The following DACH1 variants were observed in gnomAD, a reference collection of about 807,000 sequenced individuals.
DACH1 encodes the protein dachshund family transcription factor 1, also known as dachshund homolog 1.
A neutral mutation model predicts 54.2 loss-of-function variants in DACH1; 12 were observed. That is an observed-to-expected ratio of 0.22 (90% CI 0.14 to 0.36). The LOEUF (loss-of-function observed/expected upper bound fraction) is 0.36. Ranked by LOEUF, DACH1 falls within the 10% of genes least tolerant of loss-of-function variation. DACH1 has a pLI of 1.00. For missense variants in DACH1, 805 were observed against 929.8 expected, an observed-to-expected ratio of 0.87 and a Z score of 1.75; for synonymous variants, 386 against 366.2, an observed-to-expected ratio of 1.05 and a Z score of -0.62.
rs74099130 is a variant in DACH1, at chr13:71,768,664, C to T, written c.849-86754G>A. ...CAGGTAATTGTAGAACAAAATAAGG[C>T]AGCTCAAATAAATACAGAATAATCT... On this transcript the variant is annotated intron_variant, in intron 1 of 10. Transcript: ENST00000613252. Among the ~76,000 whole-genome samples the T allele has an allele frequency of 2.6e-3, 401 of 151,930 alleles. 5 individuals are homozygous for T. The highest frequency in any genetic ancestry group is 9.3e-3 in the African/African-American group (387 of 41,514).
chr13:71,598,434 T>C (rs1874267458), intron 3 of DACH1, among the ~76,000 whole-genome samples: 1 of 152,060 alleles, frequency 6.6e-6, no homozygotes, highest in Admixed American at 6.6e-5. Flanking sequence ...TTTGTATTTT[T>C]AGTAGAGACG....
chr13:71,618,179 A>G (rs1222883805), intron 3 of DACH1, among the ~76,000 whole-genome samples: 1 of 152,126 alleles, frequency 6.6e-6, no homozygotes, highest in East Asian at 1.9e-4. Flanking sequence ...TCTTGTTCAG[A>G]ATTTTTCCCT....
chr13:71,641,449 T>C (rs143198369), intron 2 of DACH1, among the ~76,000 whole-genome samples: 289 of 152,246 alleles, frequency 1.9e-3, no homozygotes, highest in African/African-American at 6.7e-3. Context: ...TATAACAACA[T>C]CTCATTTAAG....
intron 2 of DACH1, among the ~76,000 whole-genome samples, chr13:71,657,013 TAC>T (rs140643805): frequency 0.14 from 19,821 of 144,098 alleles, 3,228 homozygotes; most frequent in African/African-American, 0.39. Context: ...TATATATATA[TAC>T]ACACACACAC....
At chr13:71,652,010 TTC>T (rs1419572600) in intron 2 of DACH1, among the ~76,000 whole-genome samples, 1 of 152,200 alleles carries the variant, frequency 6.6e-6, no homozygotes, top group Non-Finnish European at 1.5e-5. Context: ...TCATGAGTGT[TTC>T]TCTGAATTCC....
At chr13:71,651,728 GTA>G (rs747714981) in intron 2 of DACH1, among the ~76,000 whole-genome samples, 1 of 149,686 alleles carries the variant, frequency 6.7e-6, no homozygotes, top group Non-Finnish European at 1.5e-5. Context: ...GTATATGTGT[GTA>G]TATATATGTG....
chr13:71,456,554 C>A (rs1339768810), intron 10 of DACH1, among the ~76,000 whole-genome samples: 3 of 151,970 alleles, frequency 2.0e-5, no homozygotes, highest in African/African-American at 7.2e-5. Flanking sequence ...TAATAAAAAT[C>A]TTTATTTTCC....
intron 1 of DACH1, among the ~76,000 whole-genome samples, chr13:71,788,416 T>C (rs748547274): frequency 4.6e-5 from 7 of 152,180 alleles, no homozygotes; most frequent in Admixed American, 1.3e-4. Context: ...CAAATATGCA[T>C]ATACATTTCT....
intron 10 of DACH1, among the ~76,000 whole-genome samples, chr13:71,465,452 G>T (rs1033959526): frequency 6.6e-6 from 1 of 152,006 alleles, no homozygotes; most frequent in African/African-American, 2.4e-5. Context: ...CTCTAAGATG[G>T]CTAGGATATC....
chr13:71,515,827 T>A (rs544369318), intron 6 of DACH1, among the ~76,000 whole-genome samples: 1 of 151,990 alleles, frequency 6.6e-6, no homozygotes, highest in South Asian at 2.1e-4. Context: ...AGGAGCACAC[T>A]TGCCATCTGC....
At chr13:71,816,643 T>TGTGTATATATATACAC (rs1345333639) in intron 1 of DACH1, among the ~76,000 whole-genome samples, 3 of 25,148 alleles carry the variant, frequency 1.2e-4, no homozygotes, top group Non-Finnish European at 2.3e-4. Flanking sequence ...CACACATATG[T>TGTGTATATATATACAC]GTGTATATAT....
At chr13:71,710,480 G>A (rs1882670013) in intron 1 of DACH1, among the ~76,000 whole-genome samples, 1 of 150,194 alleles carries the variant, frequency 6.7e-6, no homozygotes, top group African/African-American at 2.5e-5. Context: ...GTGTGTGTGT[G>A]TGTGTGTGTG....
intron 1 of DACH1, among the ~76,000 whole-genome samples, chr13:71,740,513 A>G (rs536192984): frequency 1.6e-3 from 237 of 152,314 alleles, no homozygotes; most frequent in African/African-American, 5.5e-3. Flanking sequence ...TATGTTCTTT[A>G]AAACTCCTCA....
chr13:71,686,799 T>A (rs1054459146), intron 1 of DACH1, among the ~76,000 whole-genome samples: 2 of 152,044 alleles, frequency 1.3e-5, no homozygotes, highest in African/African-American at 4.8e-5. Flanking sequence ...CAGCAGAAAT[T>A]TTAAGTCCAA....
At chr13:71,609,596 G>T (rs1371524933) in intron 3 of DACH1, among the ~76,000 whole-genome samples, 1 of 151,758 alleles carries the variant, frequency 6.6e-6, no homozygotes, top group African/African-American at 2.4e-5. Flanking sequence ...CGCGATCTTG[G>T]CTCACTACAA....
At chr13:71,709,829 T>G (rs147011112) in intron 1 of DACH1, among the ~76,000 whole-genome samples, 1 of 152,252 alleles carries the variant, frequency 6.6e-6, no homozygotes, top group East Asian at 1.9e-4. Context: ...ACTGTATAAA[T>G]AAATAAATAC....
intron 1 of DACH1, among the ~76,000 whole-genome samples, chr13:71,820,297 A>G (rs1000425454): frequency 6.6e-6 from 1 of 152,016 alleles, no homozygotes; most frequent in African/African-American, 2.4e-5. Flanking sequence ...TCACCATACC[A>G]TTATCCTAGT....
At chr13:71,534,392 ATTTAC>A (rs1055625110) in intron 6 of DACH1, among the ~76,000 whole-genome samples, 7 of 151,994 alleles carry the variant, frequency 4.6e-5, no homozygotes, top group African/African-American at 1.7e-4. Flanking sequence ...TTAATTGCAT[ATTTAC>A]TTTGTTAATG....
intron 6 of DACH1, among the ~76,000 whole-genome samples, chr13:71,506,399 T>C (rs909202217): frequency 2.7e-5 from 4 of 150,674 alleles, no homozygotes; most frequent in African/African-American, 9.8e-5. Flanking sequence ...TGGTTTTTTG[T>C]TCTTGCGATA....
Sources: allele counts gnomAD v4.1 joint callset (sites outside exome capture counted in the v4.1 genomes callset), GRCh38; gene constraint gnomAD v4.1.1; transcripts MANE v1.5; gene names NCBI Gene and HGNC (gene_info 2026-07-23, HGNC 2026-07-21).